SLC2A9: variants seen among roughly 807,000 people sequenced by gnomAD.
SLC2A9 encodes the protein solute carrier family 2 member 9.
A neutral mutation model predicts 50.6 loss-of-function variants in SLC2A9; 39 were observed. That is an observed-to-expected ratio of 0.77 (90% CI 0.60 to 1.01). The LOEUF (loss-of-function observed/expected upper bound fraction) is 1.01. Ranked by LOEUF, SLC2A9 falls within the 50% of genes least tolerant of loss-of-function variation. The pLI, the probability that SLC2A9 is intolerant of heterozygous loss-of-function variation, is 0.00. For synonymous variants in SLC2A9, 324 were observed against 276.9 expected (o/e 1.17, Z -1.69); for missense variants, 686 against 677.6 (o/e 1.01, Z -0.14).
At chr4:9,775,987 G>C (rs1717508862), downstream of SLC2A9, among the ~76,000 whole-genome samples, 1 of 152,048 alleles carries the variant, frequency 6.6e-6, no homozygotes, top group African/African-American at 2.4e-5. Flanking sequence ...CTAAGGCTCA[G>C]ATCTGTGGTT....
At chr4:9,827,400 A>T (rs1560159121) in intron 11 of SLC2A9, among the ~76,000 whole-genome samples, 1 of 152,262 alleles carries the variant, frequency 6.6e-6, no homozygotes, top group South Asian at 2.1e-4. Context: ...TCTGGGTCCC[A>T]GCTGTCAGGA....
In SLC2A9 at chr4:9,996,880, T is replaced by C. The variant is rs773926335; in HGVS notation, c.311A>G (p.Asp104Gly). 2 of 1,614,198 alleles carry C rather than the reference T, an allele frequency of 1.2e-6. No individual in the cohort carries two copies. Among genetic ancestry groups the C allele is most frequent in the Admixed American group, 3.3e-5 (2 of 60,030 alleles). ...CACAGACCAGAGCAAAGTCAGAGTG[T>C]CTGGGTCTATTGGACGTCCATGCCT... is the stretch of plus-strand genomic sequence containing the variant. ...ERRHGRPIDP[D>G]TLTLLWSVTV... Residue 104 changes from aspartate (D) to glycine (G), a missense_variant, in exon 3 of 12, where the codon GAC (aspartate) becomes GGC (glycine). Transcript: ENST00000264784.
chr4:10,005,585 G>A (rs990401281), intron 2 of SLC2A9, among the ~76,000 whole-genome samples: 20 of 152,240 alleles, frequency 1.3e-4, no homozygotes, highest in African/African-American at 4.6e-4. Context: ...GGTATGAGAT[G>A]ATGAGTCTGA....
chr4:10,019,985 A>G (rs755559607), intron 1 of SLC2A9, among the ~76,000 whole-genome samples: 3 of 152,120 alleles, frequency 2.0e-5, no homozygotes, highest in African/African-American at 4.8e-5. Flanking sequence ...CCAAGTGGAC[A>G]GGGGCCAGGT....
At chr4:9,983,388 T>C (rs1756208297) in intron 4 of SLC2A9, among the ~76,000 whole-genome samples, 1 of 152,242 alleles carries the variant, frequency 6.6e-6, no homozygotes, top group Non-Finnish European at 1.5e-5. Context: ...CAAACGTGCA[T>C]GCAAAGTGCT....
At chr4:9,948,823 C>T (rs1047423118) in intron 5 of SLC2A9, among the ~76,000 whole-genome samples, 2 of 152,212 alleles carry the variant, frequency 1.3e-5, no homozygotes, top group African/African-American at 2.4e-5. Flanking sequence ...CAGCTTCCTG[C>T]CCACATCTCC....
chr4:9,937,961 T>A (rs897528399), intron 6 of SLC2A9, among the ~76,000 whole-genome samples: 4 of 152,256 alleles, frequency 2.6e-5, no homozygotes, highest in African/African-American at 9.6e-5. Flanking sequence ...GGCCTGCCCG[T>A]ATCTATGATG....
At chr4:9,900,120 G>A (rs1327203331) in intron 8 of SLC2A9, among the ~76,000 whole-genome samples, 1 of 152,234 alleles carries the variant, frequency 6.6e-6, no homozygotes, top group Non-Finnish European at 1.5e-5. Context: ...GATGACTTAG[G>A]AGTCAGGGCT....
At chr4:9,867,780 C>T (rs1338705783) in intron 10 of SLC2A9, among the ~76,000 whole-genome samples, 4 of 152,164 alleles carry the variant, frequency 2.6e-5, no homozygotes, top group Admixed American at 6.6e-5. Flanking sequence ...CTGCTTAAAA[C>T]GATGTAGGGG....
rs552995109 is a variant in SLC2A9 at position 9,827,100 on chromosome 4, C to T, written c.1420-500G>A. Among the ~76,000 whole-genome samples, 23 of 152,270 alleles carry T rather than the reference C, an allele frequency of 1.5e-4. No homozygotes were observed. In the South Asian group the frequency reaches 3.5e-3, roughly 23 times the overall value. On this transcript the variant is annotated intron_variant, in intron 11 of 11. Coordinates refer to ENST00000264784, the MANE Select transcript of SLC2A9 (RefSeq NM_020041.3). ...TAACTCACTAATTGATACTCTGAGG[C>T]GGCCTTGCACAAATAAGAGAGATCA...
At chr4:9,951,856 CAA>C in intron 5 of SLC2A9, among the ~76,000 whole-genome samples, 1 of 152,302 alleles carries the variant, frequency 6.6e-6, no homozygotes, top group African/African-American at 2.4e-5. Context: ...AGGAAATTTA[CAA>C]AAGATTCATT....
intron 3 of SLC2A9, among the ~76,000 whole-genome samples, chr4:9,993,189 A>G (rs1758013080): frequency 6.6e-6 from 1 of 152,228 alleles, no homozygotes; most frequent in Admixed American, 6.5e-5. Context: ...CTGGCCCAGG[A>G]TCAGATTTCA....
At chr4:9,875,513 A>G (rs1231705521) in intron 10 of SLC2A9, among the ~76,000 whole-genome samples, 1 of 152,186 alleles carries the variant, frequency 6.6e-6, no homozygotes, top group Non-Finnish European at 1.5e-5. Flanking sequence ...TACCTCCTCT[A>G]GGTAACCTGA....
intron 8 of SLC2A9, among the ~76,000 whole-genome samples, chr4:9,900,057 G>C (rs1443871999): frequency 6.6e-6 from 1 of 152,102 alleles, no homozygotes; most frequent in Non-Finnish European, 1.5e-5. Flanking sequence ...ATTTGGGCAA[G>C]TAGAAAAAAA....
chr4:9,885,765 A>G (rs1014246238), intron 10 of SLC2A9, among the ~76,000 whole-genome samples: 1 of 152,214 alleles, frequency 6.6e-6, no homozygotes, highest in Non-Finnish European at 1.5e-5. Context: ...CACAGGCCGC[A>G]TGCAGCCCAC....
At chr4:9,919,562 G>A (rs1402738016) in intron 7 of SLC2A9, among the ~76,000 whole-genome samples, 1 of 152,120 alleles carries the variant, frequency 6.6e-6, no homozygotes, top group Non-Finnish European at 1.5e-5. Flanking sequence ...TGTCTTACTG[G>A]GGCCCTTTGG....
rs34058781 is a variant in SLC2A9 at position 9,852,247 on chromosome 4, CTT to C, written c.1292-17241_1292-17240del. Among the ~76,000 whole-genome samples the C allele has an allele frequency of 8.1e-3, 1,141 of 140,826 alleles. 14 individuals are homozygous for C. Among genetic ancestry groups the C allele is most frequent in the South Asian group, 0.02 (92 of 4,506 alleles). 92.4% of individuals were successfully genotyped at this position (140,826 alleles called of 152,430 possible). ...ATACTGGGGGCCTATATCCAGTATT[CTT>C]TTTTTTTTTTTTTTGAGACGGAGTC... On this transcript the variant is annotated intron_variant, in intron 10 of 11. Coordinates refer to ENST00000264784, the MANE Select transcript of SLC2A9 (RefSeq NM_020041.3).
intron 1 of SLC2A9, among the ~76,000 whole-genome samples, chr4:10,033,658 G>T (rs956916305): frequency 1.3e-5 from 2 of 152,148 alleles, no homozygotes; most frequent in Admixed American, 6.5e-5. Flanking sequence ...ACCCCAATAC[G>T]CCCACTCTCT....
chr4:9,923,103 T>A (rs1744233241), intron 6 of SLC2A9, among the ~76,000 whole-genome samples: 1 of 151,854 alleles, frequency 6.6e-6, no homozygotes, highest in Admixed American at 6.6e-5. Context: ...ATAGCAAACA[T>A]AGAAGACTGA....
Sources: allele counts gnomAD v4.1 joint callset (sites outside exome capture counted in the v4.1 genomes callset), GRCh38; gene constraint gnomAD v4.1.1; transcripts MANE v1.5; gene names NCBI Gene and HGNC (gene_info 2026-07-23, HGNC 2026-07-21).